The following NRG3 variants were observed in gnomAD, a reference collection of about 807,000 sequenced individuals.
The protein encoded by NRG3 is pro-neuregulin-3, membrane-bound isoform.
NRG3 carries 31 observed loss-of-function variants against 66.9 expected under a neutral mutation model. The ratio of observed to expected loss-of-function variants is 0.46; its 90% CI spans 0.35 to 0.63. The LOEUF (loss-of-function observed/expected upper bound fraction) is 0.63. Among genes scored for constraint, NRG3 ranks in the 20% least tolerant of loss-of-function variants. NRG3 has a pLI of 0.00. For missense variants in NRG3, 910 were observed against 878.9 expected (o/e 1.04, Z -0.45); for synonymous variants, 393 against 359.4 (o/e 1.09, Z -1.06).
chr10:82,564,739 C>T (rs1480629752), intron 2 of NRG3, among the ~76,000 whole-genome samples: 1 of 151,980 alleles, frequency 6.6e-6, no homozygotes, highest in East Asian at 1.9e-4. Flanking sequence ...AGGCTGGCAT[C>T]TCATAGCTCT....
intron 1 of NRG3, among the ~76,000 whole-genome samples, chr10:82,105,323 C>T (rs985520027): frequency 2.0e-5 from 3 of 152,014 alleles, no homozygotes; most frequent in Non-Finnish European, 4.4e-5. Context: ...GTAGAAAGCC[C>T]GATATTGTAA....
At chr10:82,626,065 A>G (rs1565141343) in intron 2 of NRG3, among the ~76,000 whole-genome samples, 1 of 152,152 alleles carries the variant, frequency 6.6e-6, no homozygotes, top group African/African-American at 2.4e-5. Context: ...TTATGTAGAT[A>G]GGGCTTTGCC....
chr10:82,256,885 G>A (rs2077756176), intron 1 of NRG3, among the ~76,000 whole-genome samples: 1 of 152,188 alleles, frequency 6.6e-6, no homozygotes, highest in Non-Finnish European at 1.5e-5. Flanking sequence ...TCTATGATGA[G>A]AGGCATGTTT....
chr10:82,013,543 A>C (rs1255684873), intron 1 of NRG3, among the ~76,000 whole-genome samples: 1 of 152,192 alleles, frequency 6.6e-6, no homozygotes, highest in South Asian at 2.1e-4. Flanking sequence ...AATTTTTAGT[A>C]TAAATTTGGA....
chr10:81,968,444 A>C (rs192994213), intron 1 of NRG3, among the ~76,000 whole-genome samples: 221 of 152,246 alleles, frequency 1.5e-3, no homozygotes, highest in Non-Finnish European at 2.4e-3. Flanking sequence ...AAGCTGAGGG[A>C]TGAGAGTGAG....
chr10:82,805,165 G>T (rs1385138739), intron 3 of NRG3, among the ~76,000 whole-genome samples: 1 of 152,192 alleles, frequency 6.6e-6, no homozygotes, highest in African/African-American at 2.4e-5. Context: ...GGTCTCAGTT[G>T]ATGGCAATGC....
intron 2 of NRG3, among the ~76,000 whole-genome samples, chr10:82,627,317 C>A (rs976020603): frequency 1.4e-4 from 21 of 151,860 alleles, no homozygotes; most frequent in Non-Finnish European, 3.1e-4. Context: ...TCCTCCATGC[C>A]CAGTAGTAAT....
chr10:82,622,422 A>G (rs1318111103), intron 2 of NRG3, among the ~76,000 whole-genome samples: 2 of 152,202 alleles, frequency 1.3e-5, no homozygotes, highest in Non-Finnish European at 2.9e-5. Flanking sequence ...TATCAAAGAT[A>G]TAGTGTTTAT....
intron 2 of NRG3, among the ~76,000 whole-genome samples, chr10:82,653,442 G>A (rs1443436862): frequency 6.6e-6 from 1 of 152,126 alleles, no homozygotes; most frequent in East Asian, 1.9e-4. Context: ...AAACTCCCTG[G>A]AGAGCCTGTG....
intron 4 of NRG3, among the ~76,000 whole-genome samples, chr10:82,932,130 C>T (rs11812533): frequency 0.09 from 13,726 of 152,172 alleles, 829 homozygotes; most frequent in African/African-American, 0.16. Context: ...CTCTCCATTC[C>T]TTCACCTGCT....
intron 3 of NRG3, among the ~76,000 whole-genome samples, chr10:82,771,431 G>A (rs915436680): frequency 6.6e-6 from 1 of 152,014 alleles, no homozygotes; most frequent in Admixed American, 6.6e-5. Flanking sequence ...TGCTGACAAG[G>A]GTTCCATTCT....
chr10:82,422,169 G>A (rs2089129718), intron 2 of NRG3, among the ~76,000 whole-genome samples: 1 of 152,038 alleles, frequency 6.6e-6, no homozygotes, highest in African/African-American at 2.4e-5. Flanking sequence ...ATCAACAGAA[G>A]TTTACTTTTG....
intron 2 of NRG3, among the ~76,000 whole-genome samples, chr10:82,383,421 C>T (rs1431953498): frequency 5.9e-5 from 7 of 118,438 alleles, no homozygotes; most frequent in Non-Finnish European, 1.1e-4. Context: ...TATGTTTTTC[C>T]TTTTTTAAAA....
chr10:82,080,881 C>A (rs2065355485), intron 1 of NRG3, among the ~76,000 whole-genome samples: 2 of 152,144 alleles, frequency 1.3e-5, no homozygotes, highest in African/African-American at 4.8e-5. Flanking sequence ...ATCCATTAAA[C>A]AATAAGTCCC....
At chr10:82,934,404 T>A (rs1361344719) in intron 4 of NRG3, among the ~76,000 whole-genome samples, 1 of 152,214 alleles carries the variant, frequency 6.6e-6, no homozygotes, top group Non-Finnish European at 1.5e-5. Flanking sequence ...TCCAATCACC[T>A]TGTGGGTCAT....
intron 1 of NRG3, among the ~76,000 whole-genome samples, chr10:82,167,045 A>C (rs985432467): frequency 1.3e-5 from 2 of 151,962 alleles, no homozygotes; most frequent in African/African-American, 2.4e-5. Flanking sequence ...TTTATCACAG[A>C]TTTTTAAAAA....
At chr10:82,239,190 A>G (rs1211162146) in intron 1 of NRG3, among the ~76,000 whole-genome samples, 1 of 152,028 alleles carries the variant, frequency 6.6e-6, no homozygotes, top group Non-Finnish European at 1.5e-5. Flanking sequence ...CTTATTTTTA[A>G]CTTCTATGTG....
At chr10:82,466,848 C>T (rs1412695198) in intron 2 of NRG3, among the ~76,000 whole-genome samples, 4 of 147,040 alleles carry the variant, frequency 2.7e-5, no homozygotes, top group African/African-American at 1.0e-4. Context: ...GAGGTGAGGA[C>T]AGGCAAGGGG....
chr10:82,917,210 G>A lies in NRG3; in HGVS notation c.1055-34259G>A, dbSNP rs185525807. On this transcript the variant is annotated intron_variant, in intron 4 of 8. Transcript: ENST00000372141. ...CTGGAGGAGAACTGAAATAATTACC[G>A]TGCAGTTTCCAATTCCATAATATCA... Among the ~76,000 whole-genome samples, 9 of 152,238 alleles carry A rather than the reference G, an allele frequency of 5.9e-5. No homozygotes were observed. In the South Asian group the frequency reaches 1.0e-3, roughly 18 times the overall value.
Sources: gnomAD v4.1 joint callset for allele counts (sites outside exome capture counted in the v4.1 genomes callset) on GRCh38, gnomAD v4.1.1 for gene constraint, MANE v1.5 for transcripts, NCBI Gene and HGNC (gene_info 2026-07-23, HGNC 2026-07-21) for gene names.